AAGAB: variants seen among roughly 807,000 people sequenced by gnomAD.
The protein encoded by AAGAB is alpha and gamma adaptin binding protein.
Under a neutral mutation model 44.1 loss-of-function variants are expected in AAGAB, and 38 were observed. That is an observed-to-expected ratio of 0.86 (90% confidence interval 0.67 to 1.13). The LOEUF is 1.13. Ranked by LOEUF, AAGAB falls within the 50% of genes most tolerant of loss-of-function variation. The pLI, the probability that AAGAB is intolerant of heterozygous loss-of-function variation, is 0.00. For missense variants in AAGAB, 450 were observed against 373.8 expected (o/e 1.20, Z -1.68); for synonymous variants, 131 against 131.8 (o/e 0.99, Z 0.04).
chr15:67,253,438 TA>T (rs547275213), intron 1 of AAGAB, among the ~76,000 whole-genome samples: 3 of 147,164 alleles, frequency 2.0e-5, no homozygotes, highest in Non-Finnish European at 4.5e-5. Flanking sequence ...AAAACAAAAA[TA>T]AAAAAAAGGA....
intron 1 of AAGAB, among the ~76,000 whole-genome samples, chr15:67,250,795 G>A (rs1964846710): frequency 6.6e-6 from 1 of 152,124 alleles, no homozygotes; most frequent in Non-Finnish European, 1.5e-5. Flanking sequence ...GGGAGGCTGA[G>A]GCGGGCAGAT....
At chr15:67,224,106 T>C (rs753249190) in intron 5 of AAGAB, among the ~76,000 whole-genome samples, 12 of 152,228 alleles carry the variant, frequency 7.9e-5, no homozygotes, top group Non-Finnish European at 1.8e-4. Context: ...ATTGCTTGTA[T>C]TGTTTATTGA....
At chr15:67,207,041 T>C (rs1333976659) in intron 7 of AAGAB, among the ~76,000 whole-genome samples, 2 of 152,038 alleles carry the variant, frequency 1.3e-5, no homozygotes, top group Non-Finnish European at 1.5e-5. Flanking sequence ...CAAAACAAAA[T>C]TAGCTGGGCG....
intron 5 of AAGAB, among the ~76,000 whole-genome samples, chr15:67,216,302 C>T (rs754039461): frequency 3.2e-4 from 49 of 151,696 alleles, no homozygotes; most frequent in African/African-American, 1.1e-3. Context: ...ATTAGCTGGG[C>T]GTGGTGGCGT....
At chr15:67,245,615 A>G (rs1163623848) in intron 1 of AAGAB, among the ~76,000 whole-genome samples, 2 of 152,238 alleles carry the variant, frequency 1.3e-5, no homozygotes, top group African/African-American at 2.4e-5. Flanking sequence ...ATTGTATACT[A>G]CTTATATTCC....
intron 1 of AAGAB, among the ~76,000 whole-genome samples, chr15:67,240,629 A>G (rs1964574275): frequency 6.6e-6 from 1 of 152,228 alleles, no homozygotes; most frequent in Non-Finnish European, 1.5e-5. Context: ...GTGCAAGTAT[A>G]AACCTCTATC....
At chr15:67,239,907 T>C (rs1055086589) in intron 1 of AAGAB, among the ~76,000 whole-genome samples, 2 of 152,244 alleles carry the variant, frequency 1.3e-5, no homozygotes, top group Admixed American at 1.3e-4. Context: ...GCAGCTAATA[T>C]AATTCACTCA....
At chr15:67,203,885 AT>A (rs111308100) in intron 8 of AAGAB, among the ~76,000 whole-genome samples, 158 bp downstream of exon 8, 52 of 147,968 alleles carry the variant, frequency 3.5e-4, no homozygotes, top group South Asian at 4.3e-4. Flanking sequence ...TCCCCAGGGA[AT>A]TTTTTTTTTT....
chr15:67,254,329 C>T (rs1423003441), intron 1 of AAGAB: 1 of 1,230,592 alleles, frequency 8.1e-7, no homozygotes, highest in African/African-American at 1.5e-5. Context: ...GGAAATCAGT[C>T]TCACTTTACA....
chr15:67,209,608 T>C, intron 5 of AAGAB, 64 bp from the exon 6 acceptor site: 1 of 1,283,334 alleles, frequency 7.8e-7, no homozygotes, highest in Non-Finnish European at 1.1e-6. Flanking sequence ...CAAATGGCTA[T>C]GATGATGAAA....
At chr15:67,242,232 G>C (rs1041915639) in intron 1 of AAGAB, among the ~76,000 whole-genome samples, 3 of 96,698 alleles carry the variant, frequency 3.1e-5, no homozygotes, top group South Asian at 4.1e-4. Flanking sequence ...GACCATCCTG[G>C]CTAACAAGGT....
chr15:67,222,736 A>G lies in AAGAB; in HGVS notation c.535+9078T>C, dbSNP rs193112454. Among the ~76,000 whole-genome samples the G allele has an allele frequency of 4.9e-3, 748 of 152,102 alleles. 5 individuals carry two copies. Among genetic ancestry groups the G allele is most frequent in the African/African-American group, 0.016 (668 of 41,482 alleles). On this transcript the variant is annotated intron_variant, in intron 5 of 9. Coordinates refer to ENST00000261880, the MANE Select transcript of AAGAB (RefSeq NM_024666.5). ...CTACTTCATCCATTTTTCACCCTCT[A>G]TTGGAACTTTTCCAACAGCTTATGA... is the stretch of plus-strand genomic sequence containing the variant.
chr15:67,253,263 G>A (rs1324658873), intron 1 of AAGAB, among the ~76,000 whole-genome samples: 3 of 25,920 alleles, frequency 1.2e-4, no homozygotes, highest in African/African-American at 5.5e-4. Context: ...CGTATGACGG[G>A]GGGGGGGGGG....
At chr15:67,249,387 C>T (rs1386629692) in intron 1 of AAGAB, among the ~76,000 whole-genome samples, 2 of 152,090 alleles carry the variant, frequency 1.3e-5, no homozygotes, top group Non-Finnish European at 2.9e-5. Flanking sequence ...TCTCAAATAA[C>T]CCTTTATTTT....
intron 1 of AAGAB, among the ~76,000 whole-genome samples, chr15:67,247,755 AAT>A (rs1296615597): frequency 1.3e-5 from 2 of 152,254 alleles, no homozygotes; most frequent in African/African-American, 4.8e-5. Context: ...ACTGTATACC[AAT>A]AGAGTCATTT....
chr15:67,227,682 G>A (rs902828966), intron 5 of AAGAB, among the ~76,000 whole-genome samples: 1 of 152,158 alleles, frequency 6.6e-6, no homozygotes, highest in African/African-American at 2.4e-5. Context: ...CAGCAAAGCA[G>A]GCTCTAAAAA....
intron 5 of AAGAB, 82 bp downstream of exon 5, chr15:67,231,732 T>G (rs1964339598): frequency 8.8e-7 from 1 of 1,138,506 alleles, no homozygotes; most frequent in Non-Finnish European, 1.3e-6. Flanking sequence ...CATATAGCAC[T>G]AATGGTTCCA....
chr15:67,229,420 G>A (rs1266666156), intron 5 of AAGAB, among the ~76,000 whole-genome samples: 1 of 145,084 alleles, frequency 6.9e-6, no homozygotes, highest in Non-Finnish European at 1.5e-5. Context: ...GCAACAGAGC[G>A]AGAGTCCGTC....
At chr15:67,212,022 G>A (rs563562051) in intron 5 of AAGAB, among the ~76,000 whole-genome samples, 88 of 152,272 alleles carry the variant, frequency 5.8e-4, no homozygotes, top group African/African-American at 2.0e-3. Flanking sequence ...CGGGACTACA[G>A]GCGCCCGCCA....
Sources: gnomAD v4.1 joint callset for allele counts (sites outside exome capture counted in the v4.1 genomes callset) on GRCh38, gnomAD v4.1.1 for gene constraint, MANE v1.5 for transcripts, NCBI Gene and HGNC (gene_info 2026-07-23, HGNC 2026-07-21) for gene names.